Variants in PCGF6 observed in about 807,000 individuals in gnomAD.
The protein encoded by PCGF6 is polycomb group ring finger 6, also known as polycomb group RING finger protein 6.
Under a neutral mutation model 45.5 loss-of-function variants are expected in PCGF6, and 24 were observed. The ratio of observed to expected loss-of-function variants is 0.53; its 90% CI spans 0.38 to 0.74. The LOEUF (loss-of-function observed/expected upper bound fraction) is 0.74. Among genes scored for constraint, PCGF6 ranks in the 30% least tolerant of loss-of-function variants. The probability of loss-of-function intolerance (pLI) is 0.00; values close to 1 mark genes in which losing one functional copy is unlikely to be tolerated. For missense variants in PCGF6, 356 were observed against 443.2 expected (o/e 0.80, Z 1.77); for synonymous variants, 152 against 162.1 (o/e 0.94, Z 0.47).
At chr10:103,309,591 A>C (rs969724106) in intron 9 of PCGF6, among the ~76,000 whole-genome samples, 14 of 152,154 alleles carry the variant, frequency 9.2e-5, no homozygotes, top group African/African-American at 3.4e-4. Context: ...CAATGTAAGA[A>C]TGGACTAATA....
chr10:103,349,053 C>CTTT, intron 1 of PCGF6, 54 bp from the exon 2 acceptor site: 12 of 1,176,568 alleles, frequency 1.0e-5, no homozygotes, highest in African/African-American at 1.6e-5. Context: ...TTTACAAATT[C>CTTT]TTTTTTTTTT....
At chr10:103,304,034 G>T in intron 9 of PCGF6, 73 bp from the exon 10 acceptor site, 3 of 1,291,444 alleles carry the variant, frequency 2.3e-6, no homozygotes, top group South Asian at 1.3e-5. Context: ...AGTCAAAGCT[G>T]GCTTACTTTT....
rs2093263658 is a variant in PCGF6, at chr10:103,337,960, AGGCTGAGGC to A, written c.783-4017_783-4009del. ...GCGCCTGTAGTCCCAGCTACTTGGG[AGGCTGAGGC>A]AGGAGAATGGCGTGAACCCGGGAGG... On this transcript the variant is annotated intron_variant, in intron 6 of 9. Transcript: ENST00000369847. Among the ~76,000 whole-genome samples the A allele has an allele frequency of 1.8e-4, 19 of 103,442 alleles. 8 individuals are homozygous for A. Among genetic ancestry groups the A allele is most frequent in the Non-Finnish European group, 2.8e-4 (14 of 49,360 alleles). The allele number at this position is 103,442 out of a possible 152,430, so 67.9% of individuals were successfully genotyped here. A position where few individuals can be genotyped will look rare whatever the true frequency, so the allele number is the denominator to read the frequency against.
intron 9 of PCGF6, among the ~76,000 whole-genome samples, chr10:103,309,726 T>C (rs1178359252): frequency 6.6e-6 from 1 of 151,750 alleles, no homozygotes; most frequent in Non-Finnish European, 1.5e-5. Flanking sequence ...TCTCAGGAGT[T>C]CAAAACCAGC....
At chr10:103,320,173 G>T (rs1182147841) in intron 8 of PCGF6, among the ~76,000 whole-genome samples, 3 of 152,032 alleles carry the variant, frequency 2.0e-5, no homozygotes, top group South Asian at 4.1e-4. Context: ...TCTTATAGAA[G>T]AATTTTTAGT....
chr10:103,339,152 C>T (rs2093269142), intron 6 of PCGF6, among the ~76,000 whole-genome samples: 1 of 152,140 alleles, frequency 6.6e-6, no homozygotes, highest in African/African-American at 2.4e-5. Flanking sequence ...CAGTGGCTCA[C>T]GCCTGTAATC....
In PCGF6 at chr10:103,337,782, C is replaced by T. The variant is rs547652450; in HGVS notation, c.783-3830G>A. The stretch of plus-strand genomic sequence containing the variant: ...GTGTCTACTAAAAATACAAAATTAG[C>T]GGCCGGGCGCGGTGGCTCACGCCTG... On this transcript the variant is annotated intron_variant, in intron 6 of 9. Coordinates refer to ENST00000369847, the MANE Select transcript of PCGF6 (RefSeq NM_001011663.2). Among the ~76,000 whole-genome samples the T allele has an allele frequency of 2.6e-5, 3 of 115,182 alleles. 1 individual carries two copies. The highest frequency in any genetic ancestry group is 3.8e-5 in the Non-Finnish European group (2 of 52,806). The allele number at this position is 115,182 out of a possible 152,430, so 75.6% of individuals were successfully genotyped here.
chr10:103,322,748 C>T (rs921578783), intron 8 of PCGF6, among the ~76,000 whole-genome samples: 4 of 151,860 alleles, frequency 2.6e-5, no homozygotes, highest in East Asian at 3.9e-4. Flanking sequence ...TGCTGGAACC[C>T]GGGAGGTAGA....
At chr10:103,341,602 GCTT>G (rs2093281046) in intron 6 of PCGF6, among the ~76,000 whole-genome samples, 1 of 150,024 alleles carries the variant, frequency 6.7e-6, no homozygotes, top group Non-Finnish European at 1.5e-5. Flanking sequence ...ACCACATCCA[GCTT>G]TTTTTTTTTT....
chr10:103,327,155 C>A (rs995586976), intron 7 of PCGF6, among the ~76,000 whole-genome samples: 1 of 152,100 alleles, frequency 6.6e-6, no homozygotes, highest in African/African-American at 2.4e-5. Context: ...CAAGGTGGCA[C>A]ATGCCTATAA....
intron 8 of PCGF6, among the ~76,000 whole-genome samples, chr10:103,316,010 A>ACAGAGAGAGG (rs2093174668): frequency 8.0e-6 from 1 of 125,402 alleles, no homozygotes; most frequent in African/African-American, 3.0e-5. Context: ...ATATATATAT[A>ACAGAGAGAGG]TATAGAGAGA....
At chr10:103,308,134 C>A (rs2093144222) in intron 9 of PCGF6, among the ~76,000 whole-genome samples, 1 of 152,054 alleles carries the variant, frequency 6.6e-6, no homozygotes. Flanking sequence ...GGGGTTGGAG[C>A]CCCCACATAG....
At chr10:103,339,431 C>T (rs561979290) in intron 6 of PCGF6, among the ~76,000 whole-genome samples, 1 of 151,788 alleles carries the variant, frequency 6.6e-6, no homozygotes, top group Admixed American at 6.6e-5. Flanking sequence ...AGGAGGTACA[C>T]TGAATACCCA....
intron 8 of PCGF6, among the ~76,000 whole-genome samples, chr10:103,315,206 G>A (rs1228135011): frequency 6.6e-6 from 1 of 152,022 alleles, no homozygotes; most frequent in African/African-American, 2.4e-5. Flanking sequence ...ATTCCCCCCA[G>A]ACAGGGTGTC....
intron 9 of PCGF6, among the ~76,000 whole-genome samples, chr10:103,305,284 T>G (rs1487606975): frequency 3.3e-5 from 5 of 151,104 alleles, no homozygotes; most frequent in African/African-American, 7.3e-5. Context: ...AGACTTTTTT[T>G]TTTTTGAAAC....
In PCGF6 at chr10:103,329,204, C is replaced by T. The variant is rs142546763; in HGVS notation, c.811-2572G>A. On this transcript the variant is annotated intron_variant, in intron 7 of 9. Coordinates refer to ENST00000369847, the MANE Select transcript of PCGF6 (RefSeq NM_001011663.2). ...ACAGGTACCCGCCACCAACGTCTGG[C>T]TAATTTTGTATTTTTAGTAGAGATG... 8.3e-4 allele frequency among the ~76,000 whole-genome samples: 126 copies of T among 151,772 alleles called. 2 individuals carry two copies. The East Asian group carries it at 0.02, about 25-fold the overall frequency.
At chr10:103,341,068 A>G (rs2093278808) in intron 6 of PCGF6, among the ~76,000 whole-genome samples, 1 of 151,748 alleles carries the variant, frequency 6.6e-6, no homozygotes, top group African/African-American at 2.4e-5. Context: ...TGTCTCTACT[A>G]AAAATAGAAA....
At chr10:103,313,393 T>C (rs1314522072) in intron 9 of PCGF6, among the ~76,000 whole-genome samples, 1 of 152,136 alleles carries the variant, frequency 6.6e-6, no homozygotes, top group Non-Finnish European at 1.5e-5. Flanking sequence ...GGTGAAACCC[T>C]GTTTTGACTA....
chr10:103,341,955 C>G (rs189667743), intron 6 of PCGF6, among the ~76,000 whole-genome samples: 366 of 150,198 alleles, frequency 2.4e-3, no homozygotes, highest in African/African-American at 7.8e-3. Context: ...TTTTTTTTTT[C>G]TCAGCAGTCT....
Sources: gnomAD v4.1 joint callset for allele counts (sites outside exome capture counted in the v4.1 genomes callset) on GRCh38, gnomAD v4.1.1 for gene constraint, MANE v1.5 for transcripts, NCBI Gene and HGNC (gene_info 2026-07-23, HGNC 2026-07-21) for gene names.